Variants in PRIM2 observed in about 807,000 individuals in gnomAD.
PRIM2 encodes DNA primase large subunit.
PRIM2 carries 39 observed loss-of-function variants against 67.3 expected under a neutral mutation model. That is an observed-to-expected ratio of 0.58 (90% CI 0.45 to 0.76). The LOEUF is 0.76. Ranked by LOEUF, PRIM2 falls within the 30% of genes least tolerant of loss-of-function variation. The pLI, the probability that PRIM2 is intolerant of heterozygous loss-of-function variation, is 0.00. For missense variants in PRIM2, 398 were observed against 598.7 expected (o/e 0.66, Z 3.50); for synonymous variants, 143 against 198.7 (o/e 0.72, Z 2.36).
chr6:57,514,859 C>A (rs1373988158), intron 8 of PRIM2, among the ~76,000 whole-genome samples: 1 of 151,996 alleles, frequency 6.6e-6, no homozygotes. Context: ...AACAGTACCC[C>A]CCTCCCCACC....
At chr6:57,595,333 A>G (rs1466643539) in intron 10 of PRIM2, among the ~76,000 whole-genome samples, 6 of 152,074 alleles carry the variant, frequency 3.9e-5, no homozygotes, top group Non-Finnish European at 8.8e-5. Context: ...GAAAAAACCA[A>G]TTTTCTCCTA....
chr6:57,464,566 C>G (rs1257700144), intron 7 of PRIM2, among the ~76,000 whole-genome samples: 6 of 152,288 alleles, frequency 3.9e-5, no homozygotes, highest in Admixed American at 2.0e-4. Flanking sequence ...TGAGCCACCA[C>G]GCCCGGCCTC....
intron 11 of PRIM2, among the ~76,000 whole-genome samples, chr6:57,605,251 G>A (rs1191931100): frequency 6.6e-6 from 1 of 152,018 alleles, no homozygotes; most frequent in Non-Finnish European, 1.5e-5. Flanking sequence ...ATTGTGTCTC[G>A]GCCGGAGTTT....
chr6:57,238,449 G>C, the PRIM2 span, among the ~76,000 whole-genome samples: 1 of 152,196 alleles, frequency 6.6e-6, no homozygotes, highest in African/African-American at 2.4e-5. Context: ...TGAACAACCT[G>C]CTCCTGAATG....
intron 7 of PRIM2, among the ~76,000 whole-genome samples, chr6:57,478,399 G>A (rs1251943483): frequency 5.3e-5 from 8 of 150,336 alleles, no homozygotes; most frequent in Non-Finnish European, 8.9e-5. Context: ...GGGGCATGGT[G>A]GCATGATCAT....
the PRIM2 span, among the ~76,000 whole-genome samples, chr6:57,304,766 A>G: frequency 6.6e-6 from 1 of 152,194 alleles, no homozygotes; most frequent in Non-Finnish European, 1.5e-5. Flanking sequence ...TGAGAAGTAG[A>G]AGTAGATGAG....
intron 5 of PRIM2, among the ~76,000 whole-genome samples, chr6:57,341,334 A>G (rs1227741296): frequency 6.6e-6 from 1 of 152,202 alleles, no homozygotes; most frequent in African/African-American, 2.4e-5. Context: ...AATATAAACC[A>G]TAGAATGTAA....
At chr6:57,613,454 A>G (rs1480677105) in intron 12 of PRIM2, among the ~76,000 whole-genome samples, 2 of 152,212 alleles carry the variant, frequency 1.3e-5, no homozygotes, top group Admixed American at 6.5e-5. Flanking sequence ...TGCCTAATGG[A>G]TAGATGGTAA....
chr6:57,280,011 G>T, the PRIM2 span, among the ~76,000 whole-genome samples: 1 of 152,152 alleles, frequency 6.6e-6, no homozygotes, highest in Non-Finnish European at 1.5e-5. Flanking sequence ...CAAGAGATGA[G>T]GCTGAAGAGA....
At chr6:57,361,624 G>A (rs796821589) in intron 5 of PRIM2, among the ~76,000 whole-genome samples, 1 of 150,462 alleles carries the variant, frequency 6.6e-6, no homozygotes, top group South Asian at 2.1e-4. Context: ...TGCTTTCTAT[G>A]CAAATGTGTC....
intron 7 of PRIM2, among the ~76,000 whole-genome samples, chr6:57,438,304 A>G (rs62401713): frequency 1.1e-3 from 163 of 152,300 alleles, no homozygotes; most frequent in African/African-American, 3.7e-3. Flanking sequence ...ACTTCAAGGA[A>G]TTGTTACTGT....
chr6:57,623,969 G>A (rs1260563346), intron 12 of PRIM2, among the ~76,000 whole-genome samples: 1 of 152,048 alleles, frequency 6.6e-6, no homozygotes, highest in African/African-American at 2.4e-5. Context: ...ACAATCTAAA[G>A]TAATTATTAA....
chr6:57,243,180 G>A, the PRIM2 span, among the ~76,000 whole-genome samples: 2 of 152,228 alleles, frequency 1.3e-5, no homozygotes, highest in Non-Finnish European at 2.9e-5. Flanking sequence ...ACATACAAAT[G>A]ATGATGGTCA....
At chr6:57,394,607 G>C (rs1272752710) in intron 7 of PRIM2, among the ~76,000 whole-genome samples, 1 of 152,078 alleles carries the variant, frequency 6.6e-6, no homozygotes, top group African/African-American at 2.4e-5. Context: ...CATAACGCCA[G>C]CAAACAGCGA....
chr6:57,555,235 C>T (rs1469737085), intron 10 of PRIM2, among the ~76,000 whole-genome samples: 2 of 152,124 alleles, frequency 1.3e-5, no homozygotes, highest in Admixed American at 1.3e-4. Context: ...GGAATGCTAA[C>T]CTTTATTAAG....
At chr6:57,234,405 T>C in the PRIM2 span, among the ~76,000 whole-genome samples, 1 of 152,260 alleles carries the variant, frequency 6.6e-6, no homozygotes, top group Non-Finnish European at 1.5e-5. Context: ...GCGTGTGAGA[T>C]ATTAATTAAA....
intron 8 of PRIM2, among the ~76,000 whole-genome samples, chr6:57,510,665 G>C (rs1554347634): frequency 6.7e-6 from 1 of 149,078 alleles, no homozygotes; most frequent in East Asian, 1.9e-4. Flanking sequence ...TAAACAAAAC[G>C]GTTTCTCATT....
chr6:57,627,862 A>G (rs1230458409), intron 12 of PRIM2, among the ~76,000 whole-genome samples: 8 of 152,228 alleles, frequency 5.3e-5, no homozygotes, highest in Non-Finnish European at 8.8e-5. Flanking sequence ...TCAAATAAAA[A>G]TTGTGTTTCT....
upstream of PRIM2, among the ~76,000 whole-genome samples, chr6:57,310,479 C>G (rs1359893744): frequency 6.6e-6 from 1 of 152,258 alleles, no homozygotes; most frequent in Admixed American, 6.5e-5. Flanking sequence ...ACAATCTGAT[C>G]TCTCTTTCTT....
Sources: gnomAD v4.1 joint callset for allele counts (sites outside exome capture counted in the v4.1 genomes callset) on GRCh38, gnomAD v4.1.1 for gene constraint, MANE v1.5 for transcripts, NCBI Gene and HGNC (gene_info 2026-07-23, HGNC 2026-07-21) for gene names.